Variants in UBE2D2 observed in about 807,000 individuals in gnomAD.
UBE2D2 encodes ubiquitin conjugating enzyme E2 D2.
In UBE2D2, 2 loss-of-function variants were observed where a neutral mutation model predicts 24.2. That is an observed-to-expected ratio of 0.08 (90% CI 0.03 to 0.26). The LOEUF is 0.26. Among genes scored for constraint, UBE2D2 ranks in the 10% least tolerant of loss-of-function variants. The pLI, the probability that UBE2D2 is intolerant of heterozygous loss-of-function variation, is 1.00. For synonymous variants in UBE2D2, 58 were observed against 56.5 expected (o/e 1.03, Z -0.12); for missense variants, 44 against 177.6 (o/e 0.25, Z 4.28).
At chr5:139,568,237 A>G (rs868820580) in intron 1 of UBE2D2, among the ~76,000 whole-genome samples, 2 of 152,002 alleles carry the variant, frequency 1.3e-5, no homozygotes, top group Middle Eastern at 3.4e-3. Flanking sequence ...CCAGCTACTC[A>G]GGAGGCTGAG....
At chr5:139,583,636 C>T (rs1753654409) in intron 1 of UBE2D2, among the ~76,000 whole-genome samples, 2 of 152,074 alleles carry the variant, frequency 1.3e-5, no homozygotes, top group Non-Finnish European at 1.5e-5. Context: ...GTGTCAGGTG[C>T]CTGTAGTCTC....
intron 1 of UBE2D2, among the ~76,000 whole-genome samples, chr5:139,532,555 A>G (rs1482737186): frequency 3.3e-5 from 5 of 151,640 alleles, no homozygotes; most frequent in Non-Finnish European, 7.4e-5. Flanking sequence ...GTTTCACCAT[A>G]TTAGCCAGGA....
At chr5:139,598,552 C>CTTTT (rs746165110) in intron 1 of UBE2D2, among the ~76,000 whole-genome samples, 39 of 104,940 alleles carry the variant, frequency 3.7e-4, no homozygotes, top group African/African-American at 5.4e-4. Flanking sequence ...ACTACAAAGC[C>CTTTT]TTTTTTTTTT....
intron 1 of UBE2D2, among the ~76,000 whole-genome samples, chr5:139,574,630 T>C (rs549214536): frequency 6.6e-6 from 1 of 151,762 alleles, no homozygotes; most frequent in Admixed American, 6.6e-5. Context: ...GACTGAACTC[T>C]CCTGGGCAAA....
intron 1 of UBE2D2, among the ~76,000 whole-genome samples, chr5:139,580,443 G>A (rs1461594916): frequency 2.0e-5 from 3 of 152,158 alleles, no homozygotes; most frequent in Non-Finnish European, 4.4e-5. Context: ...CAGCGTAACA[G>A]AGTGAGACCC....
chr5:139,599,979 A>G (rs557828673), intron 1 of UBE2D2, among the ~76,000 whole-genome samples: 54 of 151,748 alleles, frequency 3.6e-4, no homozygotes, highest in Admixed American at 2.0e-3. Flanking sequence ...AATTTTTTCT[A>G]TCTTCAGTAG....
At chr5:139,532,074 G>A (rs1752604212) in intron 1 of UBE2D2, among the ~76,000 whole-genome samples, 1 of 151,970 alleles carries the variant, frequency 6.6e-6, no homozygotes, top group Non-Finnish European at 1.5e-5. Flanking sequence ...GGATGTAAAT[G>A]AGTACAACTT....
chr5:139,593,555 CAAAT>C (rs1225206135), intron 1 of UBE2D2, among the ~76,000 whole-genome samples: 6 of 151,664 alleles, frequency 4.0e-5, no homozygotes, highest in African/African-American at 1.5e-4. Flanking sequence ...ATATAACACA[CAAAT>C]AGGTATTGAT....
chr5:139,568,471 A>G (rs1159502022), intron 1 of UBE2D2, among the ~76,000 whole-genome samples: 1 of 151,936 alleles, frequency 6.6e-6, no homozygotes, highest in Non-Finnish European at 1.5e-5. Flanking sequence ...CATCCTGGCT[A>G]ACACGGTGAA....
At position 139,596,324 on chromosome 5, in the gene UBE2D2, C is replaced by T. The variant is rs555427347; in HGVS notation, c.25-4048C>T. Among the ~76,000 whole-genome samples, 9 of 151,720 alleles carry T rather than the reference C, an allele frequency of 5.9e-5. 1 individual carries two copies. The highest frequency in any genetic ancestry group is 7.0e-3 in the Middle Eastern group (2 of 286). On this transcript the variant is annotated intron_variant, in intron 1 of 6. Transcript: ENST00000398733. ...TGTGTATGTGTGTGTGACAGAGTCT[C>T]GCTCTGTCACCCAGGCTGGAGTGCA...
intron 5 of UBE2D2, 130 bp downstream of exon 5, chr5:139,615,096 C>T (rs964634637): frequency 4.3e-6 from 4 of 932,912 alleles, no homozygotes; most frequent in Non-Finnish European, 6.4e-6. Flanking sequence ...CTGAAATGGA[C>T]CTTGAGAACT....
chr5:139,606,528 C>T (rs1754204282), intron 2 of UBE2D2, among the ~76,000 whole-genome samples: 1 of 152,284 alleles, frequency 6.6e-6, no homozygotes, highest in African/African-American at 2.4e-5. Flanking sequence ...GTGAACTTCA[C>T]ATTTAAACTC....
intron 1 of UBE2D2, among the ~76,000 whole-genome samples, chr5:139,534,499 G>A (rs1387591220): frequency 6.6e-6 from 1 of 151,592 alleles, no homozygotes; most frequent in East Asian, 1.9e-4. Context: ...CCCGGAGTCG[G>A]AGCTTGCAGT....
At chr5:139,592,125 T>C (rs193017369) in intron 1 of UBE2D2, among the ~76,000 whole-genome samples, 214 of 152,126 alleles carry the variant, frequency 1.4e-3, no homozygotes, top group Middle Eastern at 6.8e-3. Context: ...TTGCTTGAAC[T>C]TGGGAAAGAC....
At chr5:139,573,166 G>A (rs1327286984) in intron 1 of UBE2D2, among the ~76,000 whole-genome samples, 1 of 148,700 alleles carries the variant, frequency 6.7e-6, no homozygotes, top group African/African-American at 2.6e-5. Flanking sequence ...GCCAGACGTG[G>A]TGGTGGGCAC....
rs1318319044 is a variant in UBE2D2 at position 139,591,591 on chromosome 5, AAGAG to A, written c.25-8777_25-8774del. Reference sequence around the variant, plus strand: ...CTTTATACTAGAAGGCAACAATATTAAGAGAGAAATAGAAAATGAGAAAATGAGA... The same window carrying A: ...CTTTATACTAGAAGGCAACAATATTAAGAAATAGAAAATGAGAAAATGAGA... On this transcript the variant is annotated intron_variant, in intron 1 of 6. Coordinates refer to ENST00000398733, the MANE Select transcript of UBE2D2 (RefSeq NM_003339.3). Among the ~76,000 whole-genome samples, 5 of 152,298 alleles carry A rather than the reference AAGAG, an allele frequency of 3.3e-5. No homozygotes were observed. In the East Asian group the frequency reaches 9.6e-4, roughly 29 times the overall value.
intron 1 of UBE2D2, among the ~76,000 whole-genome samples, chr5:139,583,219 C>T (rs1471847261): frequency 2.6e-5 from 4 of 152,094 alleles, no homozygotes; most frequent in African/African-American, 9.7e-5. Flanking sequence ...AGGTGATCCA[C>T]CTGCCTAAGC....
chr5:139,624,633 A>G (rs1754577562), intron 6 of UBE2D2, among the ~76,000 whole-genome samples: 1 of 152,246 alleles, frequency 6.6e-6, no homozygotes, highest in Non-Finnish European at 1.5e-5. Flanking sequence ...TAAAAATACA[A>G]AAATTAGCCG....
intron 1 of UBE2D2, among the ~76,000 whole-genome samples, chr5:139,550,103 C>A (rs909810861): frequency 1.3e-5 from 2 of 149,976 alleles, no homozygotes; most frequent in African/African-American, 4.9e-5. Flanking sequence ...ACTTGGAGAA[C>A]CTTTATGTCT....
Sources: allele counts gnomAD v4.1 joint callset (sites outside exome capture counted in the v4.1 genomes callset), GRCh38; gene constraint gnomAD v4.1.1; transcripts MANE v1.5; gene names NCBI Gene and HGNC (gene_info 2026-07-23, HGNC 2026-07-21).